The following KIAA1217 variants were observed in gnomAD, a reference collection of about 807,000 sequenced individuals.
KIAA1217 encodes sickle tail protein homolog.
In KIAA1217, 88 loss-of-function variants were observed where a neutral mutation model predicts 163.9. The ratio of observed to expected loss-of-function variants is 0.54; its 90% CI spans 0.45 to 0.64. KIAA1217 has a LOEUF of 0.64. Among genes scored for constraint, KIAA1217 ranks in the 30% least tolerant of loss-of-function variants. KIAA1217 has a pLI of 0.00. For synonymous variants in KIAA1217, 903 were observed against 923.1 expected (o/e 0.98, Z 0.39); for missense variants, 2,372 against 2,475.0 (o/e 0.96, Z 0.88).
intron 3 of KIAA1217, among the ~76,000 whole-genome samples, chr10:24,386,507 A>T (rs143554365): frequency 2.0e-3 from 301 of 152,292 alleles, no homozygotes; most frequent in South Asian, 3.5e-3. Flanking sequence ...TGTAAGACTA[A>T]TGTGAGACTG....
rs117280961 is a variant in KIAA1217, at chr10:23,805,582, T to C, written c.-321+110348T>C. Among the ~76,000 whole-genome samples the C allele has an allele frequency of 1.0e-3, 152 of 152,180 alleles. 1 individual carries two copies. In the East Asian group the frequency reaches 0.028, roughly 28 times the overall value. ...AAAAATAACAAATGGATACTAGGCT[T>C]AATACCTGGGTGATAACATAATTTG... On this transcript the variant is annotated intron_variant, in intron 1 of 18. Transcript: ENST00000376462.
In KIAA1217 at chr10:23,979,298, G is replaced by A. The variant is rs569056667; in HGVS notation, c.-320-27927G>A. The stretch of plus-strand genomic sequence containing the variant: ...GCGTCCTAAAGAGGTGACTTCACCC[G>A]CCCAAGTTGACATAGCCAGTCCCAG... On this transcript the variant is annotated intron_variant, in intron 1 of 18. Transcript: ENST00000376462. Among the ~76,000 whole-genome samples the A allele has an allele frequency of 3.9e-5, 6 of 152,220 alleles. No individual in the cohort carries two copies. In the South Asian group the frequency reaches 6.2e-4, roughly 16 times the overall value.
chr10:23,739,304 C>T (rs549887126), intron 1 of KIAA1217, among the ~76,000 whole-genome samples: 54 of 152,098 alleles, frequency 3.6e-4, no homozygotes, highest in African/African-American at 1.1e-3. Flanking sequence ...TTTGGGTGAT[C>T]GATACACTAA....
intron 2 of KIAA1217, among the ~76,000 whole-genome samples, chr10:24,273,501 A>G (rs1248977473): frequency 6.6e-6 from 1 of 152,126 alleles, no homozygotes; most frequent in East Asian, 1.9e-4. Context: ...GTGTCACATA[A>G]GAGGCCCTTG....
chr10:24,259,536 G>A (rs892512084), intron 2 of KIAA1217, among the ~76,000 whole-genome samples: 2 of 152,222 alleles, frequency 1.3e-5, no homozygotes, highest in East Asian at 1.9e-4. Context: ...GATTGCTTAA[G>A]CCCTGGTGGT....
chr10:23,816,432 A>G (rs1837316999), intron 1 of KIAA1217, among the ~76,000 whole-genome samples: 2 of 146,550 alleles, frequency 1.4e-5, no homozygotes, highest in South Asian at 2.1e-4. Context: ...AGCTGGGATT[A>G]CAGGCACCTG....
intron 1 of KIAA1217, among the ~76,000 whole-genome samples, chr10:23,785,321 A>G (rs1341086475): frequency 6.6e-6 from 1 of 152,124 alleles, no homozygotes; most frequent in African/African-American, 2.4e-5. Context: ...TGCTCTGTGA[A>G]GCTGTTCCAG....
At chr10:24,238,307 G>T (rs2072564790) in intron 2 of KIAA1217, among the ~76,000 whole-genome samples, 2 of 152,102 alleles carry the variant, frequency 1.3e-5, no homozygotes, top group African/African-American at 4.8e-5. Context: ...AACTCCTATG[G>T]GTTTGAACTC....
intron 8 of KIAA1217, among the ~76,000 whole-genome samples, chr10:24,498,761 G>A (rs890643098): frequency 9.9e-5 from 15 of 152,244 alleles, no homozygotes; most frequent in Admixed American, 6.5e-4. Context: ...TTGAGGCTCG[G>A]GGAATTGCAC....
At chr10:24,189,519 G>A (rs887313587) in intron 2 of KIAA1217, among the ~76,000 whole-genome samples, 1 of 152,138 alleles carries the variant, frequency 6.6e-6, no homozygotes, top group Non-Finnish European at 1.5e-5. Context: ...AGAGGAGAAA[G>A]AGTAATACCT....
intron 1 of KIAA1217, among the ~76,000 whole-genome samples, chr10:23,907,569 G>A (rs560305751): frequency 6.6e-6 from 1 of 152,190 alleles, no homozygotes; most frequent in South Asian, 2.1e-4. Flanking sequence ...GAGTGCTGAT[G>A]TCCCAGGGCA....
intron 1 of KIAA1217, among the ~76,000 whole-genome samples, chr10:23,891,810 G>T (rs1841430372): frequency 1.3e-5 from 2 of 151,504 alleles, no homozygotes; most frequent in African/African-American, 2.4e-5. Flanking sequence ...TTTCTGTTTG[G>T]TTTTAAAAAT....
intron 1 of KIAA1217, among the ~76,000 whole-genome samples, chr10:23,764,206 C>G (rs1834401647): frequency 1.3e-5 from 2 of 152,116 alleles, no homozygotes; most frequent in Non-Finnish European, 2.9e-5. Context: ...TGAAAAAAAG[C>G]TGAACATCAC....
chr10:23,697,308 A>T (rs1337235886), intron 1 of KIAA1217, among the ~76,000 whole-genome samples: 2 of 152,204 alleles, frequency 1.3e-5, no homozygotes. Flanking sequence ...TTTTGCTACT[A>T]ATGTATGAAT....
intron 1 of KIAA1217, among the ~76,000 whole-genome samples, chr10:23,969,972 C>T (rs577873007): frequency 6.6e-6 from 1 of 152,042 alleles, no homozygotes; most frequent in African/African-American, 2.4e-5. Context: ...GGGGTTTTTG[C>T]CCTTATAAAA....
chr10:24,141,801 A>G (rs771750433), intron 2 of KIAA1217, among the ~76,000 whole-genome samples: 1 of 152,174 alleles, frequency 6.6e-6, no homozygotes, highest in Non-Finnish European at 1.5e-5. Flanking sequence ...GTCATATGTG[A>G]ACACCTGCTG....
rs75616396 is a variant in KIAA1217 at position 24,143,696 on chromosome 10, C to T, written c.-170-75930C>T. 3.8e-3 allele frequency among the ~76,000 whole-genome samples: 578 copies of T among 152,088 alleles called. 6 individuals are homozygous for T. In the South Asian group the frequency reaches 0.038, roughly 10 times the overall value. On this transcript the variant is annotated intron_variant, in intron 2 of 18. Transcript: ENST00000376462. The stretch of plus-strand genomic sequence containing the variant: ...CTAGTGTATCCCATATTCAGTCTCA[C>T]GGAGAACCAGGGTGTGATTGGTTTT...
rs531393597 is a variant in KIAA1217 at position 23,950,531 on chromosome 10, G to A, written c.-320-56694G>A. ...ACGTATTGAGCACGAAAATTGGGCC[G>A]GGCCTGCTCTAGGGGTTTACTGGCT... On this transcript the variant is annotated intron_variant, in intron 1 of 18. Coordinates refer to the KIAA1217 transcript ENST00000376462. Among the ~76,000 whole-genome samples the A allele has an allele frequency of 1.4e-3, 220 of 152,070 alleles. 3 individuals carry two copies. The highest frequency in any genetic ancestry group is 4.9e-3 in the African/African-American group (204 of 41,474).
intron 2 of KIAA1217, among the ~76,000 whole-genome samples, chr10:24,165,284 G>A (rs1197678867): frequency 6.6e-6 from 1 of 152,150 alleles, no homozygotes; most frequent in African/African-American, 2.4e-5. Flanking sequence ...GAGTATTGCT[G>A]GGAATGGAAG....
Sources: gnomAD v4.1 joint callset for allele counts (sites outside exome capture counted in the v4.1 genomes callset) on GRCh38, gnomAD v4.1.1 for gene constraint, MANE v1.5 for transcripts, NCBI Gene and HGNC (gene_info 2026-07-23, HGNC 2026-07-21) for gene names.